The following NALF1 variants were observed in gnomAD, a reference collection of about 807,000 sequenced individuals.
NALF1 encodes NALCN channel auxiliary factor 1.
In NALF1, 3 loss-of-function variants were observed where a neutral mutation model predicts 48.4. That is an observed-to-expected ratio of 0.06 (90% CI 0.03 to 0.16). The LOEUF (loss-of-function observed/expected upper bound fraction) is 0.16, where lower values mean the gene tolerates loss of function less well. Among genes scored for constraint, NALF1 ranks in the 10% least tolerant of loss-of-function variants. The probability of loss-of-function intolerance (pLI) is 1.00; values close to 1 mark genes in which losing one functional copy is unlikely to be tolerated. For missense variants in NALF1, 526 were observed against 571.5 expected (o/e 0.92, Z 0.81); for synonymous variants, 262 against 245.7 (o/e 1.07, Z -0.62).
chr13:107,631,033 G>T (rs933239958), intron 1 of NALF1, among the ~76,000 whole-genome samples: 3 of 152,042 alleles, frequency 2.0e-5, no homozygotes, highest in Non-Finnish European at 4.4e-5. Flanking sequence ...TAGAGACAGG[G>T]TTTCCCTCTT....
chr13:107,360,264 C>T (rs1175848325), intron 1 of NALF1, among the ~76,000 whole-genome samples: 1 of 152,114 alleles, frequency 6.6e-6, no homozygotes, highest in Admixed American at 6.6e-5. Context: ...AAATTAGAGC[C>T]TAAACTTTGT....
chr13:107,606,567 T>C (rs1459849292), intron 1 of NALF1, among the ~76,000 whole-genome samples: 2 of 152,044 alleles, frequency 1.3e-5, no homozygotes, highest in Non-Finnish European at 2.9e-5. Flanking sequence ...GGTTTCACCA[T>C]GTTGGCCAGG....
intron 1 of NALF1, among the ~76,000 whole-genome samples, chr13:107,273,375 A>G (rs1376967348): frequency 1.3e-5 from 2 of 152,222 alleles, no homozygotes; most frequent in African/African-American, 4.8e-5. Context: ...CCAGTGTCAC[A>G]TAAAACTTAC....
chr13:107,640,841 G>C (rs1321899511), intron 1 of NALF1, among the ~76,000 whole-genome samples: 1 of 152,158 alleles, frequency 6.6e-6, no homozygotes, highest in Non-Finnish European at 1.5e-5. Context: ...TAGATCTTGA[G>C]ACCAGTATGA....
intron 1 of NALF1, among the ~76,000 whole-genome samples, chr13:107,742,205 A>G (rs1430251144): frequency 6.6e-6 from 1 of 152,160 alleles, no homozygotes; most frequent in Admixed American, 6.5e-5. Context: ...TTGATGGATC[A>G]CTACCACCCC....
intron 1 of NALF1, among the ~76,000 whole-genome samples, chr13:107,818,073 G>C (rs184727238): frequency 6.6e-6 from 1 of 152,210 alleles, no homozygotes; most frequent in Admixed American, 6.5e-5. Context: ...CAGGTCATAC[G>C]GTAACCAATG....
At chr13:107,660,760 T>C (rs187827083) in intron 1 of NALF1, among the ~76,000 whole-genome samples, 14 of 152,062 alleles carry the variant, frequency 9.2e-5, no homozygotes, top group Admixed American at 2.6e-4. Flanking sequence ...TAAGCCCTAA[T>C]GTAAACTATG....
rs534279783 is a variant in NALF1 at position 107,686,358 on chromosome 13, A to T, written c.915+179324T>A. 1.4e-3 allele frequency among the ~76,000 whole-genome samples: 208 copies of T among 148,414 alleles called. 1 individual carries two copies. Among genetic ancestry groups the T allele is most frequent in the African/African-American group, 4.8e-3 (193 of 40,326 alleles). ...GCAACTGTATGTTTTTGTTTTAGAA[A>T]ATAGGTCACATTATTATTTATTTAT... On this transcript the variant is annotated intron_variant, in intron 1 of 2. Coordinates refer to ENST00000375915, the MANE Select transcript of NALF1 (RefSeq NM_001080396.3).
At chr13:107,482,348 G>GCA (rs377613834) in intron 1 of NALF1, among the ~76,000 whole-genome samples, 6 of 152,080 alleles carry the variant, frequency 3.9e-5, no homozygotes, top group East Asian at 3.9e-4. Flanking sequence ...CTCTGTCCAT[G>GCA]CACACACACA....
At chr13:107,391,913 C>T (rs968321852) in intron 1 of NALF1, among the ~76,000 whole-genome samples, 4 of 152,122 alleles carry the variant, frequency 2.6e-5, no homozygotes, top group Non-Finnish European at 5.9e-5. Flanking sequence ...AGGGCTGTGT[C>T]ACAGGCCACG....
chr13:107,777,156 G>A (rs371189590), intron 1 of NALF1, among the ~76,000 whole-genome samples: 26 of 152,176 alleles, frequency 1.7e-4, no homozygotes, highest in African/African-American at 3.9e-4. Flanking sequence ...CAATTTTCCC[G>A]AAACTTCACA....
chr13:107,343,218 A>C (rs149449900), intron 1 of NALF1, among the ~76,000 whole-genome samples: 1,927 of 152,322 alleles, frequency 0.013, 13 homozygotes, highest in Middle Eastern at 0.017. Context: ...AATCAATAGC[A>C]GTGGAAAAAT....
At chr13:107,645,798 A>G (rs1326754931) in intron 1 of NALF1, among the ~76,000 whole-genome samples, 1 of 151,918 alleles carries the variant, frequency 6.6e-6, no homozygotes, top group Non-Finnish European at 1.5e-5. Context: ...CAAAACCGGC[A>G]CCATGTATTG....
intron 1 of NALF1, among the ~76,000 whole-genome samples, chr13:107,557,112 T>A (rs575671966): frequency 2.0e-5 from 3 of 152,334 alleles, no homozygotes; most frequent in Non-Finnish European, 4.4e-5. Flanking sequence ...GTATCTGTTC[T>A]TTAGTCATTT....
At chr13:107,353,894 G>T (rs1018849658) in intron 1 of NALF1, among the ~76,000 whole-genome samples, 11 of 152,108 alleles carry the variant, frequency 7.2e-5, no homozygotes, top group African/African-American at 2.7e-4. Flanking sequence ...TTAAAAAGAG[G>T]AAGACTGGAA....
At chr13:107,377,621 A>C (rs771918019) in intron 1 of NALF1, among the ~76,000 whole-genome samples, 2 of 152,184 alleles carry the variant, frequency 1.3e-5, no homozygotes, top group African/African-American at 4.8e-5. Context: ...AAAAATAAAA[A>C]TAAAAAATAA....
chr13:107,791,551 T>C (rs949894094), intron 1 of NALF1, among the ~76,000 whole-genome samples: 3 of 152,164 alleles, frequency 2.0e-5, no homozygotes, highest in Non-Finnish European at 2.9e-5. Context: ...GATCCTTTGG[T>C]TCTTCTAATG....
intron 1 of NALF1, among the ~76,000 whole-genome samples, chr13:107,563,728 C>T (rs1049318003): frequency 6.6e-6 from 1 of 152,160 alleles, no homozygotes. Flanking sequence ...AAAACATTAC[C>T]ATTCTGGTCA....
intron 1 of NALF1, among the ~76,000 whole-genome samples, chr13:107,270,383 C>T (rs1881136763): frequency 6.6e-6 from 1 of 151,912 alleles, no homozygotes; most frequent in African/African-American, 2.4e-5. Context: ...CATTTTAATA[C>T]ATTAAAATAT....
Sources: gnomAD v4.1 joint callset for allele counts (sites outside exome capture counted in the v4.1 genomes callset) on GRCh38, gnomAD v4.1.1 for gene constraint, MANE v1.5 for transcripts, NCBI Gene and HGNC (gene_info 2026-07-23, HGNC 2026-07-21) for gene names.